Variants in XPO1 observed in about 807,000 individuals in gnomAD.
The protein encoded by XPO1 is exportin 1, also known as exportin-1.
XPO1 carries 5 observed loss-of-function variants against 133.3 expected under a neutral mutation model. The ratio of observed to expected loss-of-function variants is 0.04; its 90% CI spans 0.02 to 0.08. The LOEUF (loss-of-function observed/expected upper bound fraction) is 0.08, where lower values mean the gene tolerates loss of function less well. Ranked by LOEUF, XPO1 falls within the 10% of genes least tolerant of loss-of-function variation. The pLI is 1.00. For synonymous variants in XPO1, 419 were observed against 408.2 expected (o/e 1.03, Z -0.32); for missense variants, 506 against 1,267.5 (o/e 0.40, Z 9.12).
chr2:61,514,687 A>T (rs546464922), intron 4 of XPO1, among the ~76,000 whole-genome samples: 29 of 152,240 alleles, frequency 1.9e-4, no homozygotes, highest in African/African-American at 7.0e-4. Flanking sequence ...TGTCTATACC[A>T]AATGTCAGCC....
At position 61,488,280 on chromosome 2, in the gene XPO1, C is replaced by CAGAAT; in HGVS notation, c.2207-14_2207-10dup. The CAGAAT allele has an allele frequency of 6.2e-7, 1 of 1,611,164 alleles. No homozygotes were observed. The highest frequency in any genetic ancestry group is 8.5e-7 in the Non-Finnish European group (1 of 1,177,602). On this transcript the variant is annotated splice_polypyrimidine_tract_variant and intron_variant, in intron 18 of 24. Transcript: ENST00000401558. Reference sequence around the variant, plus strand: ...CTTTGTAACCATTTCACCTACAAAACAGAATCAAATGGAATCTAATTTTAC... The same window carrying CAGAAT: ...CTTTGTAACCATTTCACCTACAAAACAGAATAGAATCAAATGGAATCTAATTTTAC...
chr2:61,512,255 T>C (rs2104630202), intron 4 of XPO1, among the ~76,000 whole-genome samples: 1 of 152,334 alleles, frequency 6.6e-6, no homozygotes, highest in South Asian at 2.1e-4. Context: ...CATTTTCTTT[T>C]CAAAATCATA....
rs775092177 is a variant in XPO1, at chr2:61,497,055, CACTTT to C, written c.760-53_760-49del. 10 of 1,560,918 alleles carry C rather than the reference CACTTT, an allele frequency of 6.4e-6. No homozygotes were observed. The East Asian group carries it at 2.3e-4, about 36-fold the overall frequency. On this transcript the variant is annotated intron_variant, in intron 9 of 24. Coordinates refer to ENST00000401558, the MANE Select transcript of XPO1 (RefSeq NM_003400.4). ...CCATAAAATTAATTGGCCTGATACA[CACTTT>C]ACTTAAAATTCACAATTAAAAGGAA...
intron 4 of XPO1, among the ~76,000 whole-genome samples, chr2:61,520,759 C>T (rs1008767687): frequency 6.6e-6 from 1 of 152,218 alleles, no homozygotes; most frequent in Admixed American, 6.5e-5. Flanking sequence ...TGGAAAACAT[C>T]TTCCAGAACC....
intron 20 of XPO1, 152 bp downstream of exon 20, chr2:61,485,616 G>C (rs1052171361): frequency 1.3e-6 from 1 of 748,210 alleles, no homozygotes; most frequent in African/African-American, 1.8e-5. Context: ...GTAAGTTCTT[G>C]AAAACCAAGA....
chr2:61,525,639 C>A, intron 3 of XPO1: 1 of 1,022,664 alleles, frequency 9.8e-7, no homozygotes, highest in Non-Finnish European at 1.2e-6. Flanking sequence ...AACAGGCAAA[C>A]ACTGTTATGT....
intron 11 of XPO1, 42 bp from the exon 12 acceptor site, chr2:61,494,133 T>C: frequency 1.9e-6 from 3 of 1,557,404 alleles, no homozygotes; most frequent in Non-Finnish European, 2.6e-6. Context: ...TCTTAAACAT[T>C]ACCAACTTCA....
At chr2:61,507,003 G>C (rs1697854959) in intron 4 of XPO1, among the ~76,000 whole-genome samples, 1 of 152,048 alleles carries the variant, frequency 6.6e-6, no homozygotes, top group Admixed American at 6.6e-5. Context: ...GCCGAGACGG[G>C]CAGATCATCT....
chr2:61,485,276 CAATT>C (rs2104340059), intron 20 of XPO1: 1 of 152,662 alleles, frequency 6.6e-6, no homozygotes, highest in Admixed American at 6.5e-5. Flanking sequence ...TTATTCAAAC[CAATT>C]AATACAACTA....
At chr2:61,508,604 T>C (rs943249022) in intron 4 of XPO1, among the ~76,000 whole-genome samples, 7 of 152,210 alleles carry the variant, frequency 4.6e-5, no homozygotes, top group Non-Finnish European at 2.9e-5. Flanking sequence ...ATAATAATCT[T>C]ATCCCTCAGA....
At chr2:61,531,360 CAAAA>C (rs941136149) in intron 2 of XPO1, among the ~76,000 whole-genome samples, 2 of 152,064 alleles carry the variant, frequency 1.3e-5, no homozygotes, top group East Asian at 3.8e-4. Flanking sequence ...TCCTTACAAA[CAAAA>C]AAATTTAGAA....
At chr2:61,508,659 C>A (rs1573173199) in intron 4 of XPO1, among the ~76,000 whole-genome samples, 1 of 152,154 alleles carries the variant, frequency 6.6e-6, no homozygotes, top group South Asian at 2.1e-4. Flanking sequence ...GTAAAAAGCA[C>A]GCATTATTGA....
intron 4 of XPO1, among the ~76,000 whole-genome samples, chr2:61,505,644 T>C (rs1447646067): frequency 2.0e-5 from 3 of 152,146 alleles, no homozygotes; most frequent in Non-Finnish European, 4.4e-5. Flanking sequence ...CTGCAACCTC[T>C]GCCTTCCAGG....
rs1697121834 is a variant in XPO1, at chr2:61,494,016, G to T, written c.1123C>A (p.His375Asn). 6.2e-7 allele frequency: 1 copy of T among 1,614,066 alleles called. No homozygotes were observed. The highest frequency in any genetic ancestry group is 1.1e-5 in the South Asian group (1 of 91,076). The change falls in exon 12 of 25, where the codon CAT becomes AAT. Residue 375 changes from histidine (H) to asparagine (N), a missense_variant. Around this residue, in one of 6 missense-constraint regions of XPO1, gnomAD observed 134 missense variants for 261.6 expected, o/e 0.51. Coordinates refer to ENST00000401558, the MANE Select transcript of XPO1 (RefSeq NM_003400.4). ...IFKICLEYWN[H>N]LAAELYRESP... ...TCTCTATAGAGTTCAGCAGCCAAAT[G>T]ATTCCAGTATTCAAGACAAATTTTA...
At chr2:61,510,922 C>T (rs1202355942) in intron 4 of XPO1, among the ~76,000 whole-genome samples, 1 of 137,710 alleles carries the variant, frequency 7.3e-6, no homozygotes, top group Non-Finnish European at 1.5e-5. Context: ...TGGGCGACAG[C>T]GTGAGACCTT....
chr2:61,484,248 C>T lies in XPO1; in HGVS notation c.2509-143G>A, dbSNP rs576934211. 2.2e-4 allele frequency: 145 copies of T among 661,548 alleles called. 2 individuals carry two copies. The South Asian group carries it at 3.0e-3, about 13-fold the overall frequency. 41.0% of individuals were successfully genotyped at this position (661,548 alleles called of 1,614,324 possible). On this transcript the variant is annotated intron_variant, in intron 20 of 24. Coordinates refer to ENST00000401558, the MANE Select transcript of XPO1 (RefSeq NM_003400.4). ...GATAGAATGCCTCCTGAAAGGTAAA[C>T]CCAAGTAAAATACAATCCACCTCTC...
intron 11 of XPO1, among the ~76,000 whole-genome samples, chr2:61,494,999 G>A (rs1251127516): frequency 2.0e-5 from 3 of 151,692 alleles, no homozygotes; most frequent in Non-Finnish European, 4.4e-5. Context: ...GTGACACCAC[G>A]CACAGCTAAT....
chr2:61,524,058 A>T (rs1345042175), intron 3 of XPO1, among the ~76,000 whole-genome samples: 1 of 152,156 alleles, frequency 6.6e-6, no homozygotes, highest in Non-Finnish European at 1.5e-5. Context: ...GAAATATGTA[A>T]AAAAAAGAGA....
intron 4 of XPO1, among the ~76,000 whole-genome samples, chr2:61,521,684 A>C (rs1050065494): frequency 1.3e-5 from 2 of 152,214 alleles, no homozygotes; most frequent in Non-Finnish European, 2.9e-5. Context: ...CACAAAAGGC[A>C]AAACAGCTTT....
Sources: gnomAD v4.1 joint callset for allele counts (sites outside exome capture counted in the v4.1 genomes callset) on GRCh38, gnomAD v4.1.1 for gene constraint, gnomAD v4.1.1 regional missense constraint, MANE v1.5 for transcripts, NCBI Gene and HGNC (gene_info 2026-07-23, HGNC 2026-07-21) for gene names.